IGSF11: variants seen among roughly 807,000 people sequenced by gnomAD.
IGSF11 encodes CXADR like 1.
A neutral mutation model predicts 41.0 loss-of-function variants in IGSF11; 22 were observed. The observed-to-expected ratio is 0.54, with a 90% confidence interval of 0.38 to 0.77. IGSF11 has a LOEUF of 0.77. Among genes scored for constraint, IGSF11 ranks in the 30% least tolerant of loss-of-function variants. The pLI, the probability that IGSF11 is intolerant of heterozygous loss-of-function variation, is 0.00. For synonymous variants in IGSF11, 219 were observed against 201.3 expected, an observed-to-expected ratio of 1.09 and a Z score of -0.74; for missense variants, 444 against 530.8, an observed-to-expected ratio of 0.84 and a Z score of 1.61.
rs186474558 is a variant in IGSF11, at chr3:118,940,305, C to T, written c.53-10030G>A. Among the ~76,000 whole-genome samples the T allele has an allele frequency of 3.3e-5, 5 of 152,240 alleles. No homozygotes were observed. In the East Asian group the frequency reaches 7.7e-4, roughly 23 times the overall value. On this transcript the variant is annotated intron_variant, in intron 1 of 6. Transcript: ENST00000393775. ...TTCTTACAAGTCTACAAAAAACCAA[C>T]TAATTCTAATAAATGAGTTTAGCAA...
At chr3:119,010,840 A>G (rs1360219936) in intron 1 of IGSF11, among the ~76,000 whole-genome samples, 3 of 152,232 alleles carry the variant, frequency 2.0e-5, no homozygotes, top group Non-Finnish European at 4.4e-5. Flanking sequence ...AACACCAAGG[A>G]TGCTTCTCTA....
intron 1 of IGSF11, among the ~76,000 whole-genome samples, chr3:119,087,045 A>C (rs1409618279): frequency 2.6e-5 from 4 of 152,200 alleles, no homozygotes; most frequent in Admixed American, 6.5e-5. Flanking sequence ...CTCAAAGTAA[A>C]AGGGTGGAGT....
rs571717378 is a variant in IGSF11, at chr3:118,945,260, C to T, written c.53-14985G>A. Among the ~76,000 whole-genome samples the T allele has an allele frequency of 1.3e-4, 20 of 152,188 alleles. No individual in the cohort carries two copies. The South Asian group carries it at 3.5e-3, about 27-fold the overall frequency. ...GCATGTATTCACCTAGTCATATAAT[C>T]GTCCCAGTAGCATCAAACTTCTCAA... On this transcript the variant is annotated intron_variant, in intron 1 of 6. Transcript: ENST00000393775.
At chr3:119,031,446 A>G (rs1940389936) in intron 1 of IGSF11, among the ~76,000 whole-genome samples, 1 of 152,226 alleles carries the variant, frequency 6.6e-6, no homozygotes, top group African/African-American at 2.4e-5. Flanking sequence ...ATCACATGGC[A>G]TAAGTATGAA....
intron 1 of IGSF11, among the ~76,000 whole-genome samples, chr3:119,018,960 C>T (rs1939018367): frequency 6.6e-6 from 1 of 152,250 alleles, no homozygotes; most frequent in Non-Finnish European, 1.5e-5. Flanking sequence ...TGTTTAACCA[C>T]ATTCAGTTTA....
chr3:119,101,445 G>T (rs991999341), intron 1 of IGSF11, among the ~76,000 whole-genome samples: 1 of 152,150 alleles, frequency 6.6e-6, no homozygotes, highest in Non-Finnish European at 1.5e-5. Flanking sequence ...GGAGGTAGAA[G>T]TTGCAATGAG....
At chr3:119,123,525 G>A (rs1034277618) in intron 1 of IGSF11, among the ~76,000 whole-genome samples, 1 of 152,212 alleles carries the variant, frequency 6.6e-6, no homozygotes, top group South Asian at 2.1e-4. Flanking sequence ...AGTAGCAAGG[G>A]AGTGATTACA....
At chr3:118,916,122 G>C (rs1941053233) in intron 4 of IGSF11, among the ~76,000 whole-genome samples, 1 of 150,342 alleles carries the variant, frequency 6.7e-6, no homozygotes, top group Admixed American at 6.6e-5. Context: ...AACATGGAAA[G>C]GAACAACCGG....
chr3:119,072,186 T>C (rs2076411096), intron 1 of IGSF11, among the ~76,000 whole-genome samples: 1 of 152,220 alleles, frequency 6.6e-6, no homozygotes, highest in Non-Finnish European at 1.5e-5. Flanking sequence ...TTAGCTTGAG[T>C]GGGTTTCTCT....
At chr3:119,108,874 T>C (rs2077086754), upstream of IGSF11, among the ~76,000 whole-genome samples, 1 of 142,346 alleles carries the variant, frequency 7.0e-6, no homozygotes, top group South Asian at 2.4e-4. Flanking sequence ...TGGTTCTGTT[T>C]ATATGCTGGA....
At chr3:118,986,908 C>T (rs74411035) in intron 1 of IGSF11, among the ~76,000 whole-genome samples, 2 of 152,298 alleles carry the variant, frequency 1.3e-5, no homozygotes, top group East Asian at 3.9e-4. Context: ...GAATATGTGA[C>T]TCTGGGTAAT....
intron 1 of IGSF11, among the ~76,000 whole-genome samples, chr3:118,980,253 G>A (rs1295361399): frequency 6.6e-6 from 1 of 152,140 alleles, no homozygotes; most frequent in Admixed American, 6.5e-5. Flanking sequence ...ATTCATAGTA[G>A]CAAAGATATG....
At chr3:119,126,487 C>G (rs1435244434) in intron 1 of IGSF11, among the ~76,000 whole-genome samples, 1 of 152,118 alleles carries the variant, frequency 6.6e-6, no homozygotes, top group South Asian at 2.1e-4. Context: ...AGTGGGTTTC[C>G]CCCCACAAAA....
At chr3:118,911,357 T>C (rs1018905083) in intron 4 of IGSF11, among the ~76,000 whole-genome samples, 2 of 152,148 alleles carry the variant, frequency 1.3e-5, no homozygotes, top group African/African-American at 2.4e-5. Flanking sequence ...GAAAATTTTC[T>C]GCTCCCCATG....
chr3:119,132,511 A>T (rs1399431923), intron 1 of IGSF11, among the ~76,000 whole-genome samples: 1 of 152,182 alleles, frequency 6.6e-6, no homozygotes, highest in Admixed American at 6.5e-5. Flanking sequence ...TCAATTCAAC[A>T]GTAAGAGCTA....
intron 1 of IGSF11, among the ~76,000 whole-genome samples, chr3:119,113,658 G>A (rs906191733): frequency 7.9e-5 from 12 of 152,306 alleles, no homozygotes; most frequent in African/African-American, 2.6e-4. Context: ...TAGGCACATG[G>A]TGCAAGCTGT....
intron 1 of IGSF11, among the ~76,000 whole-genome samples, chr3:118,971,587 G>A (rs1392150894): frequency 6.6e-6 from 1 of 152,062 alleles, no homozygotes; most frequent in Admixed American, 6.5e-5. Context: ...GGTGCATCAC[G>A]AGGTCAGGGG....
intron 1 of IGSF11, among the ~76,000 whole-genome samples, chr3:118,951,560 T>C (rs755224212): frequency 3.3e-5 from 5 of 152,168 alleles, no homozygotes; most frequent in Non-Finnish European, 7.4e-5. Context: ...TTAAAAATAA[T>C]AATAGACTAA....
intron 1 of IGSF11, among the ~76,000 whole-genome samples, chr3:119,070,628 T>G (rs948833337): frequency 2.6e-5 from 4 of 152,140 alleles, no homozygotes; most frequent in African/African-American, 9.7e-5. Context: ...CCTTCTTTGT[T>G]TTTTGTTGTT....
Sources: gnomAD v4.1 joint callset for allele counts (sites outside exome capture counted in the v4.1 genomes callset) on GRCh38, gnomAD v4.1.1 for gene constraint, MANE v1.5 for transcripts, NCBI Gene and HGNC (gene_info 2026-07-23, HGNC 2026-07-21) for gene names.